KAZN: variants seen among roughly 807,000 people sequenced by gnomAD.
The protein encoded by KAZN is kazrin, periplakin interacting protein.
In KAZN, 40 loss-of-function variants were observed where a neutral mutation model predicts 87.4. The ratio of observed to expected loss-of-function variants is 0.46; its 90% CI spans 0.36 to 0.60. KAZN has a LOEUF of 0.60. KAZN is among the 20% of genes least tolerant of loss of function. KAZN has a pLI of 0.00. For synonymous variants in KAZN, 466 were observed against 458.3 expected, an observed-to-expected ratio of 1.02 and a Z score of -0.22; for missense variants, 898 against 1,073.9, an observed-to-expected ratio of 0.84 and a Z score of 2.29.
intron 1 of KAZN, among the ~76,000 whole-genome samples, chr1:14,954,588 C>G (rs1401102093): frequency 6.6e-6 from 1 of 152,226 alleles, no homozygotes; most frequent in Non-Finnish European, 1.5e-5. Flanking sequence ...GGTACCCTAG[C>G]TCCTAGCCAC....
chr1:14,989,758 C>T (rs1197991438), intron 2 of KAZN, among the ~76,000 whole-genome samples: 1 of 152,116 alleles, frequency 6.6e-6, no homozygotes, highest in Non-Finnish European at 1.5e-5. Context: ...CAGGAAGAGC[C>T]GAGTGAGTGC....
chr1:14,782,377 GTC>G (rs1191708654), intron 1 of KAZN, among the ~76,000 whole-genome samples: 1 of 151,724 alleles, frequency 6.6e-6, no homozygotes, highest in African/African-American at 2.4e-5. Context: ...GTGAAACACC[GTC>G]TCTACTAAAA....
At chr1:14,273,980 T>C (rs561128694) in intron 2 of KAZN, among the ~76,000 whole-genome samples, 114 of 152,334 alleles carry the variant, frequency 7.5e-4, no homozygotes, top group African/African-American at 2.7e-3. Flanking sequence ...CCTACTGCTA[T>C]CTAATGAAGT....
rs1021630096 is a variant in KAZN at position 14,152,219 on chromosome 1, A to C, written c.92-28216A>C. On this transcript the variant is annotated intron_variant, in intron 1 of 16. Transcript: ENST00000636203. ...GAATTATTGTTAAATATACAATTAA[A>C]TTATATTTGACTATAGTCATCCTGT... Among the ~76,000 whole-genome samples, 3 of 152,294 alleles carry C rather than the reference A, an allele frequency of 2.0e-5. No individual in the cohort carries two copies. In the South Asian group the frequency reaches 6.2e-4, roughly 32 times the overall value.
chr1:14,384,130 G>A (rs1461255557), intron 2 of KAZN, among the ~76,000 whole-genome samples: 3 of 150,620 alleles, frequency 2.0e-5, no homozygotes, highest in Non-Finnish European at 4.5e-5. Context: ...TGTTATTGGT[G>A]TATAAGAATG....
chr1:14,110,591 G>GGC (rs1448415434), intron 1 of KAZN, among the ~76,000 whole-genome samples: 2,567 of 136,116 alleles, frequency 0.019, 161 homozygotes, highest in East Asian at 0.034. Flanking sequence ...TTATTTGCAT[G>GGC]ACTTGGAATG....
chr1:14,542,211 G>A (rs1039880225), intron 2 of KAZN, among the ~76,000 whole-genome samples: 9 of 145,330 alleles, frequency 6.2e-5, no homozygotes, highest in African/African-American at 1.0e-4. Flanking sequence ...ACCAAACACC[G>A]CATGTTCTCA....
rs539679546 is a variant in KAZN, at chr1:14,865,143, T to C, written c.227-95541T>C. 7.2e-5 allele frequency among the ~76,000 whole-genome samples: 11 copies of C among 152,276 alleles called. No homozygotes were observed. In the South Asian group the frequency reaches 2.3e-3, roughly 32 times the overall value. On this transcript the variant is annotated intron_variant, in intron 1 of 14. Transcript: ENST00000376030. ...TTCAGGCAGGGGTGGAATGGGGACCTTCTACCTCTGCCTCTTGCCCAAGGT... is the reference window on the plus strand; with the variant it reads ...TTCAGGCAGGGGTGGAATGGGGACCCTCTACCTCTGCCTCTTGCCCAAGGT...
At chr1:13,923,046 C>T (rs940403204) in intron 1 of KAZN, among the ~76,000 whole-genome samples, 1 of 151,870 alleles carries the variant, frequency 6.6e-6, no homozygotes, top group Non-Finnish European at 1.5e-5. Flanking sequence ...ATAGAGTTGA[C>T]CTGGAGCAAC....
intron 2 of KAZN, among the ~76,000 whole-genome samples, chr1:14,523,728 A>G (rs567491621): frequency 6.6e-6 from 1 of 152,306 alleles, no homozygotes; most frequent in East Asian, 1.9e-4. Context: ...AGGAAGAAGC[A>G]TGGTCTGGTT....
chr1:14,937,649 T>C (rs1426753550), intron 1 of KAZN, among the ~76,000 whole-genome samples: 2 of 152,228 alleles, frequency 1.3e-5, no homozygotes, highest in African/African-American at 4.8e-5. Flanking sequence ...GCATAAGCAC[T>C]TGCTGTCACG....
chr1:14,001,300 T>C (rs1570494514), intron 1 of KAZN, among the ~76,000 whole-genome samples: 1 of 152,076 alleles, frequency 6.6e-6, no homozygotes, highest in East Asian at 1.9e-4. Context: ...TAACAAGGGA[T>C]ATGAAGGACT....
chr1:14,005,581 A>G (rs1329186287), intron 1 of KAZN, among the ~76,000 whole-genome samples: 1 of 152,192 alleles, frequency 6.6e-6, no homozygotes, highest in African/African-American at 2.4e-5. Context: ...AGGGTTGAAG[A>G]CATAATCTGT....
intron 2 of KAZN, among the ~76,000 whole-genome samples, chr1:14,193,426 C>T (rs1474924372): frequency 1.3e-5 from 2 of 152,150 alleles, no homozygotes; most frequent in Non-Finnish European, 2.9e-5. Flanking sequence ...TAAGCCAAGA[C>T]ATGCATGGGG....
At chr1:14,510,858 G>C (rs142200969) in intron 2 of KAZN, among the ~76,000 whole-genome samples, 2,661 of 152,296 alleles carry the variant, frequency 0.017, 39 homozygotes, top group East Asian at 0.031. Context: ...GGTATGGACA[G>C]AGGGAAATTG....
intron 2 of KAZN, among the ~76,000 whole-genome samples, chr1:14,405,941 T>C (rs6698412): frequency 0.012 from 1,756 of 152,292 alleles, 19 homozygotes; most frequent in South Asian, 0.035. Context: ...GGCAGTCTGC[T>C]ATCCTCAGTC....
rs138977971 is a variant in KAZN, at chr1:14,983,208, A to G, written c.418+22333A>G. ...AGTATTGTCTGCCTGCATTGTTCAC[A>G]CCAAGGTTCATGGGCGGGGTAAGGC... On this transcript the variant is annotated intron_variant, in intron 2 of 14. Transcript: ENST00000376030. Among the ~76,000 whole-genome samples the G allele has an allele frequency of 5.2e-3, 790 of 152,146 alleles. 10 individuals carry two copies. Among genetic ancestry groups the G allele is most frequent in the African/African-American group, 0.018 (749 of 41,510 alleles).
intron 2 of KAZN, among the ~76,000 whole-genome samples, chr1:14,563,575 G>A (rs10927466): frequency 0.27 from 40,611 of 151,856 alleles, 6,285 homozygotes; most frequent in East Asian, 0.57. Flanking sequence ...TGATGCCTCC[G>A]CTACTCCCAT....
chr1:14,556,126 T>TC (rs1673855531), intron 2 of KAZN, among the ~76,000 whole-genome samples: 1 of 151,310 alleles, frequency 6.6e-6, no homozygotes, highest in Admixed American at 6.6e-5. Context: ...TTTTTTTTTT[T>TC]TTCAGTCGGA....
Sources: gnomAD v4.1 joint callset for allele counts (sites outside exome capture counted in the v4.1 genomes callset) on GRCh38, gnomAD v4.1.1 for gene constraint, MANE v1.5 for transcripts, NCBI Gene and HGNC (gene_info 2026-07-23, HGNC 2026-07-21) for gene names.